Variants in TRPC7 observed in about 807,000 individuals in gnomAD.
The protein encoded by TRPC7 is short transient receptor potential channel 7.
TRPC7 carries 42 observed loss-of-function variants against 90.1 expected under a neutral mutation model. The ratio of observed to expected loss-of-function variants is 0.47; its 90% CI spans 0.36 to 0.60. The LOEUF (loss-of-function observed/expected upper bound fraction) is 0.60, where lower values mean the gene tolerates loss of function less well. Ranked by LOEUF, TRPC7 falls within the 20% of genes least tolerant of loss-of-function variation. The probability of loss-of-function intolerance (pLI) is 0.00; values close to 1 mark genes in which losing one functional copy is unlikely to be tolerated. For synonymous variants in TRPC7, 451 were observed against 436.3 expected, an observed-to-expected ratio of 1.03 and a Z score of -0.42; for missense variants, 955 against 1,112.3, an observed-to-expected ratio of 0.86 and a Z score of 2.01.
intron 3 of TRPC7, among the ~76,000 whole-genome samples, chr5:136,279,928 G>A (rs36087932): frequency 0.1 from 15,653 of 152,054 alleles, 863 homozygotes; most frequent in Non-Finnish European, 0.13. Context: ...CAAGGTGGGT[G>A]GATCACTTGA....
intron 4 of TRPC7, 40 bp from the exon 5 acceptor site, chr5:136,266,476 T>C (rs1580879986): frequency 6.6e-7 from 1 of 1,516,330 alleles, no homozygotes; most frequent in Non-Finnish European, 9.1e-7. Flanking sequence ...AAACTGTCTC[T>C]AGGTGGATGT....
rs184573157 is a variant in TRPC7, at chr5:136,298,030, G to C, written c.963+17567C>G. ...TTTTGAGAATCTTCTACTTGCCTGG[G>C]TATGCTCTATGCTGGGGATACAGTG... On this transcript the variant is annotated intron_variant, in intron 3 of 11. Coordinates refer to ENST00000513104, the MANE Select transcript of TRPC7 (RefSeq NM_020389.3). 2.0e-4 allele frequency among the ~76,000 whole-genome samples: 31 copies of C among 152,254 alleles called. No homozygotes were observed. In the Middle Eastern group the frequency reaches 0.014, roughly 67 times the overall value.
At chr5:136,339,723 C>T (rs922073215) in intron 2 of TRPC7, among the ~76,000 whole-genome samples, 2 of 152,072 alleles carry the variant, frequency 1.3e-5, no homozygotes, top group Non-Finnish European at 2.9e-5. Context: ...TCTCTAGTCC[C>T]TGCCCACTAA....
chr5:136,305,312 C>T (rs1036291672), intron 3 of TRPC7, among the ~76,000 whole-genome samples: 114 of 152,282 alleles, frequency 7.5e-4, no homozygotes, highest in African/African-American at 2.6e-3. Context: ...TCCACCAGGC[C>T]TAATCGCCAC....
chr5:136,277,030 T>A (rs780656640), intron 3 of TRPC7, among the ~76,000 whole-genome samples: 1 of 152,216 alleles, frequency 6.6e-6, no homozygotes, highest in African/African-American at 2.4e-5. Flanking sequence ...TATGGCTCCC[T>A]GCACTACTGC....
At position 136,266,408 on chromosome 5, in the gene TRPC7, A is replaced by G. The variant is rs1414129414; in HGVS notation, c.1157T>C (p.Met386Thr). ...KLGRTLRSPF[M>T]KFVAHAVSFT... ...AGAAACTGCATGAGCTACAAACTTC[A>G]TGAAAGGGCTCCTCAGGGTTCGTCC... The change falls in exon 5 of 12, where the codon ATG (methionine) becomes ACG (threonine). Residue 386 changes from methionine to threonine, a missense_variant. Around this residue, in one of 4 missense-constraint regions of TRPC7, gnomAD observed 484 missense variants for 509.6 expected, o/e 0.95. Coordinates refer to ENST00000513104, the MANE Select transcript of TRPC7 (RefSeq NM_020389.3). The G allele has an allele frequency of 6.2e-7, 1 of 1,613,784 alleles. No individual in the cohort carries two copies. The highest frequency in any genetic ancestry group is 1.3e-5 in the African/African-American group (1 of 75,052).
chr5:136,304,824 C>A (rs1758549734), intron 3 of TRPC7, among the ~76,000 whole-genome samples: 1 of 152,198 alleles, frequency 6.6e-6, no homozygotes, highest in Admixed American at 6.5e-5. Flanking sequence ...CCTTACAAAA[C>A]AACAACTCCT....
intron 2 of TRPC7, among the ~76,000 whole-genome samples, chr5:136,347,877 A>G (rs1760060835): frequency 6.6e-6 from 1 of 152,130 alleles, no homozygotes; most frequent in Non-Finnish European, 1.5e-5. Flanking sequence ...GAGATAGGAG[A>G]AGCAGGGTCC....
chr5:136,288,490 C>G (rs1051541602), intron 3 of TRPC7, among the ~76,000 whole-genome samples: 9 of 150,724 alleles, frequency 6.0e-5, no homozygotes, highest in Non-Finnish European at 1.2e-4. Context: ...CACACCTGGT[C>G]CCCTAACTAG....
At chr5:136,268,132 T>G (rs1757095364) in intron 4 of TRPC7, among the ~76,000 whole-genome samples, 1 of 152,350 alleles carries the variant, frequency 6.6e-6, no homozygotes, top group South Asian at 2.1e-4. Flanking sequence ...ATAGCTAGTT[T>G]GAAGTTTTTG....
At chr5:136,250,505 T>C (rs1479798448) in intron 6 of TRPC7, among the ~76,000 whole-genome samples, 3 of 152,252 alleles carry the variant, frequency 2.0e-5, no homozygotes, top group Non-Finnish European at 4.4e-5. Context: ...AAGTATCTAC[T>C]GTTCCTTCAA....
intron 5 of TRPC7, among the ~76,000 whole-genome samples, chr5:136,253,276 A>G (rs79003962): frequency 0.013 from 1,913 of 152,226 alleles, 42 homozygotes; most frequent in African/African-American, 0.044. Context: ...ATGCTATTCT[A>G]TACCTTCACA....
chr5:136,310,079 G>A (rs536031369), intron 3 of TRPC7, among the ~76,000 whole-genome samples: 1 of 152,256 alleles, frequency 6.6e-6, no homozygotes, highest in South Asian at 2.1e-4. Flanking sequence ...CATCCTTACA[G>A]ACTCAGTCAC....
intron 2 of TRPC7, among the ~76,000 whole-genome samples, chr5:136,326,640 A>G (rs138323274): frequency 7.2e-4 from 109 of 152,334 alleles, no homozygotes; most frequent in African/African-American, 2.6e-3. Context: ...TTTGAAGTTC[A>G]TGGTCATAAA....
chr5:136,218,429 C>T (rs1187407806), intron 10 of TRPC7, among the ~76,000 whole-genome samples: 1 of 152,030 alleles, frequency 6.6e-6, no homozygotes, highest in Non-Finnish European at 1.5e-5. Context: ...TTAAAGGGAC[C>T]TAGTTAAAGT....
chr5:136,356,525 T>G (rs1187889092), intron 2 of TRPC7, 83 bp downstream of exon 2: 26 of 1,351,562 alleles, frequency 1.9e-5, no homozygotes, highest in Non-Finnish European at 2.3e-5. Flanking sequence ...TTCTTAGATT[T>G]GAAGACAACC....
intron 2 of TRPC7, among the ~76,000 whole-genome samples, chr5:136,330,732 C>A (rs1381375430): frequency 6.6e-6 from 1 of 152,254 alleles, no homozygotes; most frequent in African/African-American, 2.4e-5. Context: ...CCACCCCACG[C>A]TAAGTCACCA....
intron 8 of TRPC7, among the ~76,000 whole-genome samples, chr5:136,229,199 G>T (rs936368757): frequency 2.0e-5 from 3 of 152,194 alleles, no homozygotes; most frequent in African/African-American, 4.8e-5. Context: ...TATATGTGTT[G>T]TTTGTCCATC....
intron 2 of TRPC7, among the ~76,000 whole-genome samples, chr5:136,349,323 C>A (rs1310858328): frequency 6.6e-6 from 1 of 152,120 alleles, no homozygotes; most frequent in Non-Finnish European, 1.5e-5. Context: ...CTGGAAAAAT[C>A]TGCTATGGGA....
Sources: gnomAD v4.1 joint callset for allele counts (sites outside exome capture counted in the v4.1 genomes callset) on GRCh38, gnomAD v4.1.1 for gene constraint, gnomAD v4.1.1 regional missense constraint, MANE v1.5 for transcripts, NCBI Gene and HGNC (gene_info 2026-07-23, HGNC 2026-07-21) for gene names.